TTLL1: variants seen among roughly 807,000 people sequenced by gnomAD.
The protein encoded by TTLL1 is polyglutamylase complex subunit TTLL1.
TTLL1 carries 33 observed loss-of-function variants against 47.8 expected under a neutral mutation model. That is an observed-to-expected ratio of 0.69 (90% CI 0.52 to 0.92). The LOEUF (loss-of-function observed/expected upper bound fraction) is 0.92, where lower values mean the gene tolerates loss of function less well. TTLL1 is among the 40% of genes least tolerant of loss of function. The pLI, the probability that TTLL1 is intolerant of heterozygous loss-of-function variation, is 0.00. For missense variants in TTLL1, 488 were observed against 547.5 expected (o/e 0.89, Z 1.08); for synonymous variants, 225 against 214.1 (o/e 1.05, Z -0.45).
intron 1 of TTLL1, among the ~76,000 whole-genome samples, chr22:43,081,002 G>T (rs1239105849): frequency 7.3e-6 from 1 of 137,090 alleles, no homozygotes; most frequent in African/African-American, 2.7e-5. Context: ...TACAACCTCT[G>T]CCTCCTGGGC....
intron 7 of TTLL1, among the ~76,000 whole-genome samples, chr22:43,059,953 G>T (rs1303624783): frequency 6.6e-6 from 1 of 152,146 alleles, no homozygotes; most frequent in African/African-American, 2.4e-5. Context: ...GCCTCCCAAA[G>T]TGTTGGGATT....
chr22:43,061,807 T>C (rs1601678037), intron 7 of TTLL1, among the ~76,000 whole-genome samples: 1 of 152,294 alleles, frequency 6.6e-6, no homozygotes, highest in Middle Eastern at 3.4e-3. Flanking sequence ...GCACACGTTG[T>C]ACCTACTACT....
In TTLL1 at chr22:43,041,532, C is replaced by CTTTTTTTTTT. The variant is rs112180579; in HGVS notation, c.1143-1637_1143-1628dup. 1.0e-3 allele frequency among the ~76,000 whole-genome samples: 140 copies of CTTTTTTTTTT among 140,298 alleles called. 3 individuals are homozygous for CTTTTTTTTTT. The East Asian group carries it at 0.023, about 23-fold the overall frequency. 92.0% of individuals were successfully genotyped at this position (140,298 alleles called of 152,430 possible). A position where few individuals can be genotyped will look rare whatever the true frequency, so the allele number is the denominator to read the frequency against. On this transcript the variant is annotated intron_variant, in intron 10 of 10. Transcript: ENST00000266254. ...GTGGGAAGAAAGCATTTTCTGATTCCTTTTTTTTTTTTTAAACGGTCACCC... is the reference window on the plus strand; with the variant it reads ...GTGGGAAGAAAGCATTTTCTGATTCCTTTTTTTTTTTTTTTTTTTTTTTAAACGGTCACCC...
chr22:43,088,944 A>C (rs1929432350), intron 1 of TTLL1, among the ~76,000 whole-genome samples: 1 of 152,174 alleles, frequency 6.6e-6, no homozygotes, highest in Non-Finnish European at 1.5e-5. Flanking sequence ...TGCGCCCTGC[A>C]AAAGATGCCA....
At chr22:43,045,800 A>G (rs1206434861) in intron 10 of TTLL1, among the ~76,000 whole-genome samples, 1 of 151,630 alleles carries the variant, frequency 6.6e-6, no homozygotes, top group Non-Finnish European at 1.5e-5. Context: ...CAGCTATCCC[A>G]GCGGCCAAGC....
chr22:43,049,025 T>C (rs1412088099), intron 9 of TTLL1, among the ~76,000 whole-genome samples: 2 of 152,016 alleles, frequency 1.3e-5, no homozygotes, highest in Non-Finnish European at 2.9e-5. Context: ...AACTCCGTAT[T>C]GAATACTATG....
intron 1 of TTLL1, among the ~76,000 whole-genome samples, chr22:43,081,141 C>T (rs1928858876): frequency 6.6e-6 from 1 of 151,932 alleles, no homozygotes; most frequent in Non-Finnish European, 1.5e-5. Context: ...GTCTCAAACT[C>T]CCGACCTCAG....
At chr22:43,087,106 C>T (rs1160076600) in intron 1 of TTLL1, among the ~76,000 whole-genome samples, 1 of 152,178 alleles carries the variant, frequency 6.6e-6, no homozygotes, top group Non-Finnish European at 1.5e-5. Context: ...TCTCAAAAGT[C>T]AACTGCTCAG....
At chr22:43,078,293 C>T (rs887227386) in intron 2 of TTLL1, among the ~76,000 whole-genome samples, 3 of 151,000 alleles carry the variant, frequency 2.0e-5, no homozygotes, top group African/African-American at 4.9e-5. Flanking sequence ...GTCAGGAGTT[C>T]AAGACCACCC....
chr22:43,089,016 A>G (rs1229225352), intron 1 of TTLL1, among the ~76,000 whole-genome samples: 1 of 152,220 alleles, frequency 6.6e-6, no homozygotes, highest in Non-Finnish European at 1.5e-5. Flanking sequence ...AGTCTGGGAT[A>G]ACAAATAATA....
chr22:43,077,766 C>G (rs1043962519), intron 2 of TTLL1, among the ~76,000 whole-genome samples: 1 of 152,176 alleles, frequency 6.6e-6, no homozygotes, highest in African/African-American at 2.4e-5. Flanking sequence ...CCCTGGCAAC[C>G]CCCACACCAC....
At chr22:43,079,471 T>C (rs565992829) in intron 2 of TTLL1, among the ~76,000 whole-genome samples, 1 of 152,344 alleles carries the variant, frequency 6.6e-6, no homozygotes, top group South Asian at 2.1e-4. Context: ...AGGGAACTTT[T>C]CATTTTCACT....
intron 9 of TTLL1, 30 bp downstream of exon 9, chr22:43,051,771 G>A: frequency 6.2e-7 from 1 of 1,608,316 alleles, no homozygotes; most frequent in Non-Finnish European, 8.5e-7. Context: ...TATGTGTGGT[G>A]TGACCAGGTG....
intron 10 of TTLL1, among the ~76,000 whole-genome samples, chr22:43,043,615 C>A (rs1983967243): frequency 1.3e-5 from 2 of 152,120 alleles, no homozygotes; most frequent in South Asian, 4.1e-4. Context: ...CCCATCATCG[C>A]ACCCACCATG....
intron 8 of TTLL1, among the ~76,000 whole-genome samples, chr22:43,058,993 T>C (rs1235787953): frequency 6.9e-6 from 1 of 145,750 alleles, no homozygotes; most frequent in Admixed American, 6.8e-5. Context: ...GCGCCCAGCC[T>C]GTTTTTTGTT....
At chr22:43,076,928 C>T (rs985061896) in intron 2 of TTLL1, among the ~76,000 whole-genome samples, 11 of 150,510 alleles carry the variant, frequency 7.3e-5, no homozygotes, top group Admixed American at 1.3e-4. Flanking sequence ...AGTAAAACCC[C>T]GTCTCTACTA....
chr22:43,064,624 G>A (rs1410669782), intron 5 of TTLL1, among the ~76,000 whole-genome samples: 2 of 152,154 alleles, frequency 1.3e-5, no homozygotes, highest in African/African-American at 4.8e-5. Flanking sequence ...TACTCAGGAG[G>A]CTGTGGCAGG....
At chr22:43,066,321 C>T (rs1927733172) in intron 5 of TTLL1, among the ~76,000 whole-genome samples, 1 of 151,932 alleles carries the variant, frequency 6.6e-6, no homozygotes. Flanking sequence ...ATGGAGGACA[C>T]ACCCCCTGCC....
In TTLL1 at chr22:43,081,332, T is replaced by C. The variant is rs143548366; in HGVS notation, c.-89-1346A>G. Reference sequence around the variant, plus strand: ...GCACAGGCAAGGCCCTCAGTAAATATTCAGTGCATGACGGAGGGAGTGGGT... The same window carrying C: ...GCACAGGCAAGGCCCTCAGTAAATACTCAGTGCATGACGGAGGGAGTGGGT... On this transcript the variant is annotated intron_variant, in intron 1 of 10. Coordinates refer to ENST00000266254, the MANE Select transcript of TTLL1 (RefSeq NM_012263.5). Among the ~76,000 whole-genome samples, 253 of 152,220 alleles carry C rather than the reference T, an allele frequency of 1.7e-3. 2 individuals carry two copies. Among genetic ancestry groups the C allele is most frequent in the African/African-American group, 5.6e-3 (233 of 41,530 alleles).
Sources: gnomAD v4.1 joint callset for allele counts (sites outside exome capture counted in the v4.1 genomes callset) on GRCh38, gnomAD v4.1.1 for gene constraint, MANE v1.5 for transcripts, NCBI Gene and HGNC (gene_info 2026-07-23, HGNC 2026-07-21) for gene names.